Variants in PARD6B observed in about 807,000 individuals in gnomAD.
PARD6B encodes the protein partitioning defective 6 homolog beta.
Under a neutral mutation model 10.5 loss-of-function variants are expected in PARD6B, and 4 were observed. The ratio of observed to expected loss-of-function variants is 0.38; its 90% confidence interval spans 0.19 to 0.87. The LOEUF (loss-of-function observed/expected upper bound fraction) is 0.87, where lower values mean the gene tolerates loss of function less well. Ranked by LOEUF, PARD6B falls within the 40% of genes least tolerant of loss-of-function variation. The pLI, the probability that PARD6B is intolerant of heterozygous loss-of-function variation, is 0.41. For synonymous variants in PARD6B, 169 were observed against 170.4 expected (o/e 0.99, Z 0.07); for missense variants, 396 against 470.6 (o/e 0.84, Z 1.47).
At position 50,750,951 on chromosome 20, in the gene PARD6B, T is replaced by G; in HGVS notation, c.*463T>G. On this transcript the variant is annotated 3_prime_UTR_variant, in exon 3 of 3. Coordinates refer to ENST00000371610, the MANE Select transcript of PARD6B (RefSeq NM_032521.3). The stretch of plus-strand genomic sequence containing the variant: ...GGTCTCATGTTCCCAATATTTTATT[T>G]TGATTTTTTTTTTTTTTTTTTTTTT... The G allele has an allele frequency of 1.3e-6, 1 of 786,466 alleles. No homozygotes were observed. The highest frequency in any genetic ancestry group is 1.5e-6 in the Non-Finnish European group (1 of 659,368). 48.7% of individuals were successfully genotyped at this position (786,466 alleles called of 1,614,324 possible).
In PARD6B at chr20:50,737,956, G is replaced by A. The variant is rs1482486397; in HGVS notation, c.166G>A (p.Val56Ile). The A allele has an allele frequency of 3.7e-6, 6 of 1,613,518 alleles. No individual in the cohort carries two copies. The highest frequency in any genetic ancestry group is 1.6e-4 in the Middle Eastern group (1 of 6,062). Residue 56 changes from valine (V) to isoleucine (I), a missense_variant, in exon 2 of 3, where the codon GTT becomes ATT. By Grantham distance (29) the Val-to-Ile change is conservative (BLOSUM62 3). Transcript: ENST00000371610. Reference protein sequence around the residue: ...LLQHVHKIPNVDVLVGYADIH... With the variant: ...LLQHVHKIPNIDVLVGYADIH... ...ACAACATGTTCATAAGATCCCCAAT[G>A]TTGACGTTTTGGTAGGCTATGCAGA... is the stretch of plus-strand genomic sequence containing the variant.
intron 2 of PARD6B, among the ~76,000 whole-genome samples, chr20:50,741,573 G>A (rs371262019): frequency 1.4e-4 from 21 of 151,772 alleles, no homozygotes; most frequent in South Asian, 1.0e-3. Context: ...TTTGTGGAGT[G>A]GGGACGGAGT....
At chr20:50,739,936 CACT>C (rs149036981) in intron 2 of PARD6B, among the ~76,000 whole-genome samples, 1 of 152,032 alleles carries the variant, frequency 6.6e-6, no homozygotes, top group Admixed American at 6.5e-5. Context: ...TCATTGCACT[CACT>C]GTGGCTGCTT....
In PARD6B at chr20:50,750,953, GATTTTT is replaced by G. The variant is rs2123709511; in HGVS notation, c.*466_*471del. On this transcript the variant is annotated 3_prime_UTR_variant, in exon 3 of 3. Transcript: ENST00000371610. ...TCTCATGTTCCCAATATTTTATTTT[GATTTTT>G]TTTTTTTTTTTTTTTTTTTTTTTTT... 2.4e-5 allele frequency: 5 copies of G among 211,076 alleles called. No individual in the cohort carries two copies. Among genetic ancestry groups the G allele is most frequent in the East Asian group, 1.1e-3 (2 of 1,748 alleles). The allele number at this position is 211,076 out of a possible 1,614,324, so 13.1% of individuals were successfully genotyped here.
intron 2 of PARD6B, among the ~76,000 whole-genome samples, chr20:50,743,979 A>G (rs1240162581): frequency 1.3e-5 from 2 of 151,880 alleles, no homozygotes; most frequent in Non-Finnish European, 2.9e-5. Context: ...CCTTTGACAC[A>G]TACCTATTTT....
intron 2 of PARD6B, among the ~76,000 whole-genome samples, chr20:50,749,110 G>T (rs763107240): frequency 6.6e-6 from 1 of 152,148 alleles, no homozygotes; most frequent in Non-Finnish European, 1.5e-5. Context: ...TTGGGAGGCC[G>T]AGGTGGGTGG....
intron 2 of PARD6B, among the ~76,000 whole-genome samples, chr20:50,739,470 G>A (rs2123701561): frequency 1.3e-5 from 2 of 152,120 alleles, no homozygotes; most frequent in South Asian, 4.2e-4. Flanking sequence ...AGTAGCTTGA[G>A]AGAATGGGTG....
chr20:50,751,926 A>T lies in PARD6B; in HGVS notation c.*1438A>T. The stretch of plus-strand genomic sequence containing the variant: ...ACCATGTTGGTCAGGTGGGTCTCAA[A>T]CTCCTGACCTCAAGTGATCCGCCCA... On this transcript the variant is annotated 3_prime_UTR_variant, in exon 3 of 3. Transcript: ENST00000371610. 1.1e-6 allele frequency: 1 copy of T among 939,472 alleles called. No individual in the cohort carries two copies. The highest frequency in any genetic ancestry group is 1.3e-6 in the Non-Finnish European group (1 of 789,406). 58.2% of individuals were successfully genotyped at this position (939,472 alleles called of 1,614,324 possible).
Position 50,751,052 on chromosome 20 carries a change from C to T in PARD6B, c.*564C>T. 1.8e-6 allele frequency: 1 copy of T among 566,928 alleles called. No individual in the cohort carries two copies. Among genetic ancestry groups the T allele is most frequent in the Non-Finnish European group, 2.2e-6 (1 of 452,968 alleles). The allele number at this position is 566,928 out of a possible 1,614,324, so 35.1% of individuals were successfully genotyped here. ...TGGCATGATCACAGCTCTCTGCAGC[C>T]TCAATCCCCTGGGCTCAAGCAGTCC... is the stretch of plus-strand genomic sequence containing the variant. On this transcript the variant is annotated 3_prime_UTR_variant, in exon 3 of 3. Transcript: ENST00000371610.
At chr20:50,733,562 C>G (rs1255666899) in intron 1 of PARD6B, among the ~76,000 whole-genome samples, 3 of 151,790 alleles carry the variant, frequency 2.0e-5, no homozygotes, top group Non-Finnish European at 2.9e-5. Flanking sequence ...CTGTGCACAG[C>G]ATAGCAAATT....
chr20:50,751,066 C>A lies in PARD6B; in HGVS notation c.*578C>A. On this transcript the variant is annotated 3_prime_UTR_variant, in exon 3 of 3. Transcript: ENST00000371610. ...CTCTCTGCAGCCTCAATCCCCTGGG[C>A]TCAAGCAGTCCTCCCACCTCAGCCT... The A allele has an allele frequency of 1.9e-6, 1 of 517,570 alleles. No homozygotes were observed. Among genetic ancestry groups the A allele is most frequent in the Non-Finnish European group, 2.5e-6 (1 of 407,776 alleles). The allele number at this position is 517,570 out of a possible 1,614,324, so 32.1% of individuals were successfully genotyped here.
In PARD6B at chr20:50,753,502, C is replaced by T. The variant is rs1057395261; in HGVS notation, c.*3014C>T. On this transcript the variant is annotated 3_prime_UTR_variant, in exon 3 of 3. Coordinates refer to ENST00000371610, the MANE Select transcript of PARD6B (RefSeq NM_032521.3). ...TTAAGTAAATTTATGATAATGTTCT[C>T]GAGCTATCAACAAAATATATGTACT... 8.8e-5 allele frequency: 85 copies of T among 962,512 alleles called. No individual in the cohort carries two copies. Among genetic ancestry groups the T allele is most frequent in the Non-Finnish European group, 1.0e-4 (84 of 808,910 alleles). 59.6% of individuals were successfully genotyped at this position (962,512 alleles called of 1,614,324 possible).
rs528078397 is a variant in PARD6B at position 50,752,675 on chromosome 20, G to T, written c.*2187G>T. 2.2e-4 allele frequency: 213 copies of T among 977,556 alleles called. 1 individual carries two copies. The African/African-American group carries it at 3.6e-3, about 16-fold the overall frequency. 60.6% of individuals were successfully genotyped at this position (977,556 alleles called of 1,614,324 possible). On this transcript the variant is annotated 3_prime_UTR_variant, in exon 3 of 3. Coordinates refer to ENST00000371610, the MANE Select transcript of PARD6B (RefSeq NM_032521.3). ...TAGTATGAATACCTTTTTAACAATTGTGTGCTATTACAACAATGAAGATTC... is the reference window on the plus strand; with the variant it reads ...TAGTATGAATACCTTTTTAACAATTTTGTGCTATTACAACAATGAAGATTC...
Position 50,731,635 on chromosome 20 carries a change from A to G in PARD6B, c.-152A>G, listed in dbSNP as rs987602553. The G allele has an allele frequency of 9.6e-6, 5 of 523,110 alleles. No homozygotes were observed. The highest frequency in any genetic ancestry group is 6.1e-5 in the African/African-American group (3 of 49,292). 32.4% of individuals were successfully genotyped at this position (523,110 alleles called of 1,614,324 possible). A position where few individuals can be genotyped will look rare whatever the true frequency, so the allele number is the denominator to read the frequency against. On this transcript the variant is annotated 5_prime_UTR_variant, in exon 1 of 3. Transcript: ENST00000371610. Reference sequence around the variant, plus strand: ...GCTGGTGGAGTGGAGCTCAGCGCGGACGCCGGAGCTGCGGCCGCCCCCTCT... The same window carrying G: ...GCTGGTGGAGTGGAGCTCAGCGCGGGCGCCGGAGCTGCGGCCGCCCCCTCT...
intron 2 of PARD6B, among the ~76,000 whole-genome samples, chr20:50,741,260 C>T (rs1224670896): frequency 6.6e-6 from 1 of 151,978 alleles, no homozygotes; most frequent in East Asian, 1.9e-4. Flanking sequence ...TGCACCCAGC[C>T]GTTAGCTTGT....
chr20:50,735,002 T>C (rs1283526620), intron 1 of PARD6B, among the ~76,000 whole-genome samples: 4 of 151,984 alleles, frequency 2.6e-5, no homozygotes, highest in African/African-American at 7.3e-5. Context: ...ATATAAAAAT[T>C]AGTGGGGCGT....
At chr20:50,743,805 C>T (rs1378544017) in intron 2 of PARD6B, among the ~76,000 whole-genome samples, 1 of 150,558 alleles carries the variant, frequency 6.6e-6, no homozygotes, top group East Asian at 2.0e-4. Context: ...AGGAGAATGG[C>T]ATGAACCCAG....
chr20:50,746,953 A>C (rs1039355106), intron 2 of PARD6B, among the ~76,000 whole-genome samples: 1 of 152,188 alleles, frequency 6.6e-6, no homozygotes, highest in South Asian at 2.1e-4. Flanking sequence ...TGTTGTACCA[A>C]TGGATTTATA....
Position 50,750,457 on chromosome 20 carries a change from TAGA to T in PARD6B, c.1095_1097del (p.Glu365del), listed in dbSNP as rs1310071659. ...ACACATGCTCCAGATCAAAAACTCT[TAGA>T]AGAAGATGGAACAATCATAACATTA... is the stretch of plus-strand genomic sequence containing the variant. On this transcript the variant is annotated inframe_deletion, in exon 3 of 3. Coordinates refer to ENST00000371610, the MANE Select transcript of PARD6B (RefSeq NM_032521.3). 5.6e-6 allele frequency: 9 copies of T among 1,613,682 alleles called. No individual in the cohort carries two copies. In the East Asian group the frequency reaches 1.6e-4, roughly 28 times the overall value.
Sources: gnomAD v4.1 joint callset for allele counts (sites outside exome capture counted in the v4.1 genomes callset) on GRCh38, gnomAD v4.1.1 for gene constraint, MANE v1.5 for transcripts, NCBI Gene and HGNC (gene_info 2026-07-23, HGNC 2026-07-21) for gene names.